Variants in PRUNE1 observed in about 807,000 individuals in gnomAD.
The protein encoded by PRUNE1 is exopolyphosphatase PRUNE1.
PRUNE1 carries 25 observed loss-of-function variants against 42.5 expected under a neutral mutation model. That is an observed-to-expected ratio of 0.59 (90% CI 0.43 to 0.82). The LOEUF (loss-of-function observed/expected upper bound fraction) is 0.82. Ranked by LOEUF, PRUNE1 falls within the 40% of genes least tolerant of loss-of-function variation. The pLI, the probability that PRUNE1 is intolerant of heterozygous loss-of-function variation, is 0.00. For synonymous variants in PRUNE1, 203 were observed against 217.1 expected, an observed-to-expected ratio of 0.93 and a Z score of 0.57; for missense variants, 443 against 539.3, an observed-to-expected ratio of 0.82 and a Z score of 1.77.
chr1:151,017,092 CA>C lies in PRUNE1; in HGVS notation c.40-702del, dbSNP rs34772866. On this transcript the variant is annotated intron_variant, in intron 1 of 7. Coordinates refer to ENST00000271620, the MANE Select transcript of PRUNE1 (RefSeq NM_021222.3). The stretch of plus-strand genomic sequence containing the variant: ...TGAGAATCTGGTCAAAACTCCATCT[CA>C]AAAAAAAAAAAAAAAAAGTATAAGC... Among the ~76,000 whole-genome samples the C allele has an allele frequency of 6.1e-3, 465 of 76,118 alleles. 1 individual carries two copies. Among genetic ancestry groups the C allele is most frequent in the African/African-American group, 0.015 (267 of 17,566 alleles). 49.9% of individuals were successfully genotyped at this position (76,118 alleles called of 152,430 possible). A position where few individuals can be genotyped will look rare whatever the true frequency, so the allele number is the denominator to read the frequency against.
In PRUNE1 at chr1:151,034,260, G is replaced by T. The variant is rs924649910; in HGVS notation, c.*26G>T. 1 of 1,590,380 alleles carries T rather than the reference G, an allele frequency of 6.3e-7. No individual in the cohort carries two copies. On this transcript the variant is annotated 3_prime_UTR_variant, in exon 8 of 8. Transcript: ENST00000271620. ...CTGTTGAGAGGCGAGGAGGTAGTGG[G>T]TGAGGCTACCTGACTCACTTCAAAT...
chr1:151,008,702 A>G, intron 1 of PRUNE1, 31 bp downstream of exon 1: 6 of 1,606,912 alleles, frequency 3.7e-6, no homozygotes, highest in Non-Finnish European at 4.3e-6. Flanking sequence ...ACTGTAAGGA[A>G]TGGAGCACGG....
At chr1:151,011,556 A>G (rs1673768978) in intron 1 of PRUNE1, among the ~76,000 whole-genome samples, 1 of 152,050 alleles carries the variant, frequency 6.6e-6, no homozygotes, top group Non-Finnish European at 1.5e-5. Context: ...CTCTGCTGAG[A>G]GGGTTTGTCT....
At chr1:151,013,551 G>T (rs1039227294) in intron 1 of PRUNE1, among the ~76,000 whole-genome samples, 4 of 152,154 alleles carry the variant, frequency 2.6e-5, no homozygotes, top group African/African-American at 7.2e-5. Context: ...GCTGCTGCTT[G>T]CAGTGAAGCA....
chr1:151,024,102 C>T (rs1326983916), intron 3 of PRUNE1, among the ~76,000 whole-genome samples: 1 of 150,016 alleles, frequency 6.7e-6, no homozygotes, highest in Non-Finnish European at 1.5e-5. Context: ...GCAGGAGAAT[C>T]ACTTGAACCC....
At position 151,034,190 on chromosome 1, in the gene PRUNE1, A is replaced by T. The variant is rs1309972201; in HGVS notation, c.1318A>T (p.Ile440Phe). The T allele has an allele frequency of 6.2e-7, 1 of 1,613,974 alleles. No homozygotes were observed. Among genetic ancestry groups the T allele is most frequent in the Non-Finnish European group, 8.5e-7 (1 of 1,180,020 alleles). ...AEAVFEKCSQ[I>F]SLSQSTTASL... ...GGCCGTCTTCGAGAAGTGCAGTCAG[A>T]TCTCACTGTCACAGTCTACCACAGC... Residue 440 changes from isoleucine to phenylalanine, a missense_variant, in exon 8 of 8, where the codon ATC (isoleucine) becomes TTC (phenylalanine). Physicochemically the swap from Ile to Phe is conservative, Grantham distance 21. Coordinates refer to ENST00000271620, the MANE Select transcript of PRUNE1 (RefSeq NM_021222.3).
chr1:151,025,815 A>G (rs1002508375), intron 5 of PRUNE1, 142 bp downstream of exon 5: 2 of 780,900 alleles, frequency 2.6e-6, no homozygotes, highest in Non-Finnish European at 3.8e-6. Flanking sequence ...ATCTTGGCAC[A>G]CTGCAACCTC....
intron 2 of PRUNE1, 85 bp downstream of exon 2, chr1:151,017,989 G>A: frequency 1.2e-6 from 1 of 811,968 alleles, no homozygotes; most frequent in Non-Finnish European, 2.0e-6. Flanking sequence ...CCACTTACCA[G>A]CATTTAGCAT....
chr1:151,017,119 A>T (rs587741977), intron 1 of PRUNE1, among the ~76,000 whole-genome samples: 1 of 151,534 alleles, frequency 6.6e-6, no homozygotes, highest in Non-Finnish European at 1.5e-5. Context: ...AAGTATAAGC[A>T]TTCTTTTACC....
At chr1:151,008,814 G>A (rs902668609) in intron 1 of PRUNE1, 143 bp downstream of exon 1, 2 of 1,052,180 alleles carry the variant, frequency 1.9e-6, no homozygotes, top group Non-Finnish European at 2.9e-6. Flanking sequence ...GATCAGTTTT[G>A]GGGCATGAGG....
In PRUNE1 at chr1:151,019,440, C is replaced by T. The variant is rs183758784; in HGVS notation, c.335+771C>T. On this transcript the variant is annotated intron_variant, in intron 3 of 7. Coordinates refer to ENST00000271620, the MANE Select transcript of PRUNE1 (RefSeq NM_021222.3). ...GCACGGTGGTGCATGCCTATGGTCC[C>T]AGCTACTCGGGAGGTTGAGGTGGGA... is the stretch of plus-strand genomic sequence containing the variant. 3.5e-3 allele frequency among the ~76,000 whole-genome samples: 526 copies of T among 151,382 alleles called. 3 individuals are homozygous for T. The highest frequency in any genetic ancestry group is 7.5e-3 in the South Asian group (36 of 4,800).
intron 7 of PRUNE1, among the ~76,000 whole-genome samples, chr1:151,033,437 C>T (rs1372986972): frequency 2.1e-5 from 3 of 141,164 alleles, no homozygotes; most frequent in Non-Finnish European, 4.5e-5. Context: ...GTCGCCCAGG[C>T]TGGAGTGCAG....
At chr1:151,020,844 T>C (rs1674377430) in intron 3 of PRUNE1, among the ~76,000 whole-genome samples, 1 of 151,642 alleles carries the variant, frequency 6.6e-6, no homozygotes, top group Non-Finnish European at 1.5e-5. Context: ...TAGCCGGGCA[T>C]GGTGGCGGAC....
chr1:151,012,029 G>T (rs904671674), intron 1 of PRUNE1, among the ~76,000 whole-genome samples: 2 of 151,870 alleles, frequency 1.3e-5, no homozygotes, highest in Admixed American at 6.6e-5. Flanking sequence ...GGCCCACCTC[G>T]GCCTCCCAAA....
chr1:151,014,810 A>T (rs879913687), intron 1 of PRUNE1, among the ~76,000 whole-genome samples: 2 of 152,178 alleles, frequency 1.3e-5, no homozygotes, highest in Admixed American at 6.6e-5. Flanking sequence ...TTTGTTTGTC[A>T]CGACTTAGGG....
chr1:151,008,766 G>T, intron 1 of PRUNE1, 95 bp downstream of exon 1: 1 of 1,476,410 alleles, frequency 6.8e-7, no homozygotes, highest in Non-Finnish European at 9.5e-7. Context: ...GGTCCGTGTG[G>T]AGGGAACACT....
chr1:151,008,848 A>G, intron 1 of PRUNE1, 177 bp downstream of exon 1: 1 of 804,216 alleles, frequency 1.2e-6, no homozygotes, highest in Non-Finnish European at 2.1e-6. Flanking sequence ...AAGCCAGTTT[A>G]GGAGCGTGAG....
At chr1:151,021,857 G>A (rs587765776) in intron 3 of PRUNE1, among the ~76,000 whole-genome samples, 60 of 151,430 alleles carry the variant, frequency 4.0e-4, no homozygotes, top group African/African-American at 1.4e-3. Context: ...TAGTAGAGAT[G>A]GGGCTTCACC....
chr1:151,026,261 AGCC>A (rs771251159), intron 5 of PRUNE1, among the ~76,000 whole-genome samples: 48 of 151,818 alleles, frequency 3.2e-4, no homozygotes, highest in South Asian at 1.5e-3. Flanking sequence ...GTTCAAGACC[AGCC>A]TAGCTAACAT....
Sources: allele counts gnomAD v4.1 joint callset (sites outside exome capture counted in the v4.1 genomes callset), GRCh38; gene constraint gnomAD v4.1.1; transcripts MANE v1.5; gene names NCBI Gene and HGNC (gene_info 2026-07-23, HGNC 2026-07-21).